PRKN: variants seen among roughly 807,000 people sequenced by gnomAD.
The protein encoded by PRKN is E3 ubiquitin-protein ligase parkin.
A neutral mutation model predicts 59.5 loss-of-function variants in PRKN; 56 were observed. The ratio of observed to expected loss-of-function variants is 0.94; its 90% confidence interval spans 0.76 to 1.18. The LOEUF is 1.18. Among genes scored for constraint, PRKN ranks in the 50% most tolerant of loss-of-function variants. The pLI, the probability that PRKN is intolerant of heterozygous loss-of-function variation, is 0.00. For missense variants in PRKN, 657 were observed against 596.4 expected, an observed-to-expected ratio of 1.10 and a Z score of -1.06; for synonymous variants, 250 against 222.1, an observed-to-expected ratio of 1.13 and a Z score of -1.12.
intron 6 of PRKN, among the ~76,000 whole-genome samples, chr6:161,863,504 C>T (rs972933558): frequency 2.6e-5 from 4 of 152,068 alleles, no homozygotes; most frequent in Non-Finnish European, 5.9e-5. Flanking sequence ...CAGTGTCCTA[C>T]TCTTAAGAAA....
chr6:162,391,933 T>C (rs1050453925), intron 2 of PRKN, among the ~76,000 whole-genome samples: 3 of 152,220 alleles, frequency 2.0e-5, no homozygotes, highest in African/African-American at 7.2e-5. Context: ...ATTTAAATAG[T>C]GCACTTGGCT....
At chr6:162,568,749 C>T (rs1780190757) in intron 1 of PRKN, 1 of 750,132 alleles carries the variant, frequency 1.3e-6, no homozygotes. Flanking sequence ...CATCAACAAC[C>T]CTAGGGGGCA....
chr6:162,458,715 T>C (rs1562780456), intron 1 of PRKN, among the ~76,000 whole-genome samples: 1 of 151,332 alleles, frequency 6.6e-6, no homozygotes, highest in Non-Finnish European at 1.5e-5. Flanking sequence ...AAATTTTCCA[T>C]GCAACAATAG....
intron 9 of PRKN, among the ~76,000 whole-genome samples, chr6:161,398,104 G>A (rs193070146): frequency 2.6e-5 from 4 of 152,256 alleles, no homozygotes; most frequent in Admixed American, 2.6e-4. Flanking sequence ...GGAGGATAAG[G>A]TTTTGCAGCA....
At chr6:162,327,279 C>T (rs945060318) in intron 2 of PRKN, among the ~76,000 whole-genome samples, 32 of 152,120 alleles carry the variant, frequency 2.1e-4, no homozygotes, top group Non-Finnish European at 8.8e-5. Context: ...TATTACTTAT[C>T]GTGTCAATCA....
chr6:162,250,486 A>G (rs1779390290), intron 3 of PRKN, among the ~76,000 whole-genome samples: 1 of 152,228 alleles, frequency 6.6e-6, no homozygotes, highest in Admixed American at 6.5e-5. Context: ...ACAGAAGTAC[A>G]GAGAGTTGTA....
At chr6:162,015,158 T>A (rs1306306556) in intron 5 of PRKN, among the ~76,000 whole-genome samples, 1 of 152,030 alleles carries the variant, frequency 6.6e-6, no homozygotes, top group African/African-American at 2.4e-5. Context: ...TCTAGTGAAG[T>A]GGTGGGGAAG....
At chr6:162,644,119 G>C (rs1331503914) in intron 1 of PRKN, among the ~76,000 whole-genome samples, 1 of 152,032 alleles carries the variant, frequency 6.6e-6, no homozygotes, top group African/African-American at 2.4e-5. Flanking sequence ...CAGTCTTTTG[G>C]CAATGGAGAT....
rs1784822868 is a variant in PRKN, at chr6:161,357,906, A to C, written c.1285+2182T>G. The stretch of plus-strand genomic sequence containing the variant: ...CTGTGAGGAAGTCCCATTGAAACCC[A>C]TCTTATGAACGAGCAAACTGGTGCT... On this transcript the variant is annotated intron_variant, in intron 11 of 11. Coordinates refer to ENST00000366898, the MANE Select transcript of PRKN (RefSeq NM_004562.3). The surrounding 1 kb of genome is among the most constrained non-coding windows in gnomAD (Gnocchi z 5.5). Among the ~76,000 whole-genome samples, 1 of 152,200 alleles carries C rather than the reference A, an allele frequency of 6.6e-6. No homozygotes were observed. The highest frequency in any genetic ancestry group is 1.5e-5 in the Non-Finnish European group (1 of 68,040).
At position 162,111,180 on chromosome 6, in the gene PRKN, C is replaced by T. The variant is rs150193386; in HGVS notation, c.535-57006G>A. Among the ~76,000 whole-genome samples, 847 of 152,204 alleles carry T rather than the reference C, an allele frequency of 5.6e-3. 4 individuals carry two copies. Among genetic ancestry groups the T allele is most frequent in the Middle Eastern group, 0.027 (8 of 294 alleles). On this transcript the variant is annotated intron_variant, in intron 4 of 11. Coordinates refer to ENST00000366898, the MANE Select transcript of PRKN (RefSeq NM_004562.3). ...GATGACTTTGCATTTAAGAGATGCA[C>T]GCTGGCTGGACACAGTAGATCACGC...
chr6:162,178,935 G>A (rs58460541), intron 4 of PRKN, among the ~76,000 whole-genome samples: 5 of 152,096 alleles, frequency 3.3e-5, no homozygotes. Context: ...CAAGTGGTGC[G>A]ATCACAGCTC....
intron 6 of PRKN, among the ~76,000 whole-genome samples, chr6:161,902,311 T>A (rs926179097): frequency 6.6e-6 from 1 of 152,106 alleles, no homozygotes; most frequent in Non-Finnish European, 1.5e-5. Flanking sequence ...AGAGACTGGC[T>A]TCTGAACTGG....
chr6:162,709,869 G>A (rs757654961), intron 1 of PRKN, among the ~76,000 whole-genome samples: 58 of 134,244 alleles, frequency 4.3e-4, no homozygotes, highest in Non-Finnish European at 8.6e-4. Context: ...ATCTGAGAGC[G>A]AATGCTCTTG....
At chr6:162,377,354 G>A (rs1786168474) in intron 2 of PRKN, among the ~76,000 whole-genome samples, 1 of 152,154 alleles carries the variant, frequency 6.6e-6, no homozygotes, top group South Asian at 2.1e-4. Context: ...TCAGAGGACT[G>A]GCCAAGAGGC....
chr6:162,453,013 T>G (rs1170215843), intron 1 of PRKN, among the ~76,000 whole-genome samples: 1 of 152,180 alleles, frequency 6.6e-6, no homozygotes, highest in Non-Finnish European at 1.5e-5. Flanking sequence ...AACTTAAGAC[T>G]ATGCTGCCAC....
At chr6:162,070,401 T>G (rs1024702487) in intron 4 of PRKN, among the ~76,000 whole-genome samples, 1 of 152,166 alleles carries the variant, frequency 6.6e-6, no homozygotes, top group Non-Finnish European at 1.5e-5. Context: ...TGGGCAGAGT[T>G]AGCTGGGTAA....
At chr6:162,162,685 AT>A (rs1206029700) in intron 4 of PRKN, among the ~76,000 whole-genome samples, 1 of 152,148 alleles carries the variant, frequency 6.6e-6, no homozygotes, top group East Asian at 1.9e-4. Flanking sequence ...AATGCAAAAA[AT>A]TTTCCCTAAA....
intron 2 of PRKN, among the ~76,000 whole-genome samples, chr6:162,319,104 G>T (rs1194379314): frequency 6.6e-6 from 1 of 151,892 alleles, no homozygotes. Context: ...TCCTGATTAA[G>T]TCACAAATTG....
chr6:161,821,719 C>CTTTTTTT lies in PRKN; in HGVS notation c.735-35818_735-35812dup, dbSNP rs531807176. On this transcript the variant is annotated intron_variant, in intron 6 of 11. Coordinates refer to ENST00000366898, the MANE Select transcript of PRKN (RefSeq NM_004562.3). ...TTTGGAAAATATTTCCACTGGTGTT[C>CTTTTTTT]TTTTTTTTTTTTTTTTTTTTTTTTT... is the stretch of plus-strand genomic sequence containing the variant. 4.5e-4 allele frequency among the ~76,000 whole-genome samples: 29 copies of CTTTTTTT among 64,694 alleles called. 1 individual carries two copies. Among genetic ancestry groups the CTTTTTTT allele is most frequent in the East Asian group, 1.5e-3 (3 of 1,942 alleles). 42.4% of individuals were successfully genotyped at this position (64,694 alleles called of 152,430 possible).
Sources: gnomAD v4.1 joint callset for allele counts (sites outside exome capture counted in the v4.1 genomes callset) on GRCh38, gnomAD v4.1.1 for gene constraint, Gnocchi (gnomAD v3.1) non-coding constraint, MANE v1.5 for transcripts, NCBI Gene and HGNC (gene_info 2026-07-23, HGNC 2026-07-21) for gene names.